Variants in CACNA2D1 observed in about 807,000 individuals in gnomAD.
CACNA2D1 encodes the protein calcium voltage-gated channel auxiliary subunit alpha2delta 1, also known as voltage-dependent calcium channel subunit alpha-2/delta-1.
A neutral mutation model predicts 171.5 loss-of-function variants in CACNA2D1; 53 were observed. That is an observed-to-expected ratio of 0.31 (90% CI 0.25 to 0.39). The LOEUF is 0.39. CACNA2D1 is among the 10% of genes least tolerant of loss of function. The pLI is 1.00. For missense variants in CACNA2D1, 903 were observed against 1,299.8 expected (o/e 0.69, Z 4.69); for synonymous variants, 442 against 443.1 (o/e 1.00, Z 0.03).
intron 12 of CACNA2D1, among the ~76,000 whole-genome samples, chr7:82,026,539 A>T (rs1801940674): frequency 2.0e-5 from 3 of 151,738 alleles, no homozygotes. Flanking sequence ...ATTTCTGTGG[A>T]AAGTGAAATG....
At chr7:82,034,701 C>A (rs143068815) in intron 11 of CACNA2D1, among the ~76,000 whole-genome samples, 1 of 151,924 alleles carries the variant, frequency 6.6e-6, no homozygotes, top group Non-Finnish European at 1.5e-5. Flanking sequence ...ACCTAAAGAA[C>A]TATCCTGTAA....
intron 5 of CACNA2D1, among the ~76,000 whole-genome samples, chr7:82,124,245 A>C (rs866421406): frequency 5.9e-5 from 9 of 152,088 alleles, no homozygotes; most frequent in African/African-American, 1.9e-4. Context: ...ATTTTCTAGA[A>C]CTAAATCAAA....
intron 7 of CACNA2D1, among the ~76,000 whole-genome samples, chr7:82,078,450 C>G (rs1355241185): frequency 2.0e-5 from 3 of 152,082 alleles, no homozygotes; most frequent in Non-Finnish European, 4.4e-5. Context: ...TAAGAATTCA[C>G]AAAGTTGATA....
At chr7:82,306,267 G>T (rs1813717223) in intron 3 of CACNA2D1, among the ~76,000 whole-genome samples, 1 of 152,082 alleles carries the variant, frequency 6.6e-6, no homozygotes, top group African/African-American at 2.4e-5. Flanking sequence ...TAGCCAGCGT[G>T]AAAGAAGTGA....
At chr7:82,212,019 TA>T (rs1435803600) in intron 3 of CACNA2D1, among the ~76,000 whole-genome samples, 3 of 152,334 alleles carry the variant, frequency 2.0e-5, no homozygotes, top group Non-Finnish European at 2.9e-5. Flanking sequence ...TGACCACGTG[TA>T]TATCTTCTTT....
chr7:82,063,762 C>T (rs1807248301), intron 9 of CACNA2D1, among the ~76,000 whole-genome samples: 1 of 152,042 alleles, frequency 6.6e-6, no homozygotes, highest in African/African-American at 2.4e-5. Flanking sequence ...TGCAAACATA[C>T]ACATATATCT....
At chr7:82,171,895 C>T (rs1192911675) in intron 3 of CACNA2D1, among the ~76,000 whole-genome samples, 3 of 152,002 alleles carry the variant, frequency 2.0e-5, no homozygotes, top group Non-Finnish European at 2.9e-5. Flanking sequence ...TATTCCTTAG[C>T]GTAAGTTCTT....
intron 14 of CACNA2D1, among the ~76,000 whole-genome samples, 153 bp downstream of exon 14, chr7:82,013,308 C>T (rs1800023681): frequency 6.6e-6 from 1 of 151,144 alleles, no homozygotes. Flanking sequence ...GAAATAAAAC[C>T]AATGTATCAA....
At chr7:82,282,758 G>A (rs1810285270) in intron 3 of CACNA2D1, among the ~76,000 whole-genome samples, 1 of 151,080 alleles carries the variant, frequency 6.6e-6, no homozygotes, top group Non-Finnish European at 1.5e-5. Context: ...CAATAAAATT[G>A]ATTCCTAAGT....
intron 3 of CACNA2D1, among the ~76,000 whole-genome samples, chr7:82,244,185 T>C (rs961839899): frequency 6.6e-5 from 10 of 152,158 alleles, no homozygotes; most frequent in Admixed American, 4.6e-4. Context: ...ATTCTTGTTA[T>C]TAAAATTTTC....
intron 4 of CACNA2D1, among the ~76,000 whole-genome samples, chr7:82,140,524 T>C (rs1792240463): frequency 6.6e-6 from 1 of 152,178 alleles, no homozygotes; most frequent in African/African-American, 2.4e-5. Context: ...AGAAACTAAC[T>C]CTGCATCTGC....
At chr7:82,008,605 A>G (rs1799392265) in intron 15 of CACNA2D1, among the ~76,000 whole-genome samples, 1 of 152,062 alleles carries the variant, frequency 6.6e-6, no homozygotes, top group Non-Finnish European at 1.5e-5. Context: ...TAACAAAATC[A>G]CTCTTTAAAA....
intron 4 of CACNA2D1, among the ~76,000 whole-genome samples, chr7:82,144,817 T>A (rs1242390688): frequency 6.6e-6 from 1 of 151,992 alleles, no homozygotes; most frequent in Non-Finnish European, 1.5e-5. Flanking sequence ...ATCAAATAAC[T>A]CTACATTTTG....
chr7:82,278,288 C>T (rs1585312744), intron 3 of CACNA2D1, among the ~76,000 whole-genome samples: 1 of 152,004 alleles, frequency 6.6e-6, no homozygotes, highest in East Asian at 1.9e-4. Context: ...CAAAATTACA[C>T]ATCTTCCTGG....
At chr7:82,153,121 T>A (rs1030813057) in intron 4 of CACNA2D1, among the ~76,000 whole-genome samples, 10 of 150,450 alleles carry the variant, frequency 6.6e-5, no homozygotes, top group African/African-American at 2.4e-4. Flanking sequence ...CAGGCACTAT[T>A]CTTAATGTCA....
intron 3 of CACNA2D1, among the ~76,000 whole-genome samples, chr7:82,194,506 A>G (rs1488729998): frequency 6.6e-6 from 1 of 151,928 alleles, no homozygotes; most frequent in Admixed American, 6.6e-5. Context: ...TCTCACATCC[A>G]CTTTTCTTTA....
chr7:82,440,221 C>T (rs1830389142), intron 1 of CACNA2D1, among the ~76,000 whole-genome samples: 1 of 151,826 alleles, frequency 6.6e-6, no homozygotes, highest in African/African-American at 2.4e-5. Context: ...GACTGACTGG[C>T]ATTTTGATGT....
intron 3 of CACNA2D1, among the ~76,000 whole-genome samples, chr7:82,305,729 T>C (rs888600964): frequency 6.6e-6 from 1 of 152,220 alleles, no homozygotes; most frequent in African/African-American, 2.4e-5. Context: ...AATAAATTTA[T>C]ATGATTTTCT....
intron 10 of CACNA2D1, among the ~76,000 whole-genome samples, chr7:82,059,326 T>C (rs1192220077): frequency 6.6e-6 from 1 of 152,186 alleles, no homozygotes; most frequent in Non-Finnish European, 1.5e-5. Flanking sequence ...CATAGTTCAG[T>C]ACTTTCTAGC....
Sources: allele counts gnomAD v4.1 joint callset (sites outside exome capture counted in the v4.1 genomes callset), GRCh38; gene constraint gnomAD v4.1.1; transcripts MANE v1.5; gene names NCBI Gene and HGNC (gene_info 2026-07-23, HGNC 2026-07-21).